GRM8: variants seen among roughly 807,000 people sequenced by gnomAD.
GRM8 encodes the protein metabotropic glutamate receptor 8.
A neutral mutation model predicts 87.2 loss-of-function variants in GRM8; 47 were observed. The observed-to-expected ratio is 0.54, with a 90% CI of 0.43 to 0.69. The LOEUF is 0.69. GRM8 is among the 30% of genes least tolerant of loss of function. GRM8 has a pLI of 0.00. For synonymous variants in GRM8, 396 were observed against 404.5 expected (o/e 0.98, Z 0.25); for missense variants, 1,019 against 1,139.2 (o/e 0.89, Z 1.52).
intron 7 of GRM8, among the ~76,000 whole-genome samples, chr7:126,686,249 T>A (rs1207763555): frequency 4.6e-5 from 7 of 152,112 alleles, no homozygotes; most frequent in Non-Finnish European, 1.0e-4. Context: ...AGCTCCTCTT[T>A]GTCTTGCTCA....
chr7:127,072,266 C>T (rs1191834910), intron 3 of GRM8, among the ~76,000 whole-genome samples: 2 of 152,188 alleles, frequency 1.3e-5, no homozygotes, highest in Non-Finnish European at 1.5e-5. Flanking sequence ...CAGAAGCTCT[C>T]CCTATCTGCA....
intron 3 of GRM8, among the ~76,000 whole-genome samples, chr7:126,982,030 T>C (rs1319570471): frequency 6.6e-6 from 1 of 152,122 alleles, no homozygotes; most frequent in East Asian, 1.9e-4. Context: ...TATTAAGTAG[T>C]ATTAACTCAC....
At chr7:126,937,422 A>G (rs1457166709) in intron 3 of GRM8, among the ~76,000 whole-genome samples, 1 of 152,230 alleles carries the variant, frequency 6.6e-6, no homozygotes, top group Non-Finnish European at 1.5e-5. Flanking sequence ...TGGCTGACAG[A>G]GCTAGTGACT....
chr7:127,115,574 A>G (rs1429110448), intron 2 of GRM8, among the ~76,000 whole-genome samples: 3 of 152,200 alleles, frequency 2.0e-5, no homozygotes, highest in Non-Finnish European at 2.9e-5. Flanking sequence ...CTGTTTACTT[A>G]AAATAAAAGA....
At chr7:126,619,472 C>G (rs535918684) in intron 7 of GRM8, among the ~76,000 whole-genome samples, 1 of 151,660 alleles carries the variant, frequency 6.6e-6, no homozygotes, top group Admixed American at 6.6e-5. Flanking sequence ...ATGTAACAAA[C>G]CTGCACGTTG....
intron 2 of GRM8, among the ~76,000 whole-genome samples, chr7:127,147,021 G>A (rs1828588497): frequency 6.6e-6 from 1 of 152,022 alleles, no homozygotes; most frequent in African/African-American, 2.4e-5. Context: ...TAGGCATTAG[G>A]AAAGCATCTC....
intron 8 of GRM8, among the ~76,000 whole-genome samples, chr7:126,538,240 T>C (rs1816074368): frequency 6.6e-6 from 1 of 152,222 alleles, no homozygotes; most frequent in African/African-American, 2.4e-5. Flanking sequence ...GTGAGTGTGC[T>C]TACATTTTTA....
chr7:127,132,166 T>C (rs750890798), intron 2 of GRM8, among the ~76,000 whole-genome samples: 4 of 152,198 alleles, frequency 2.6e-5, no homozygotes, highest in African/African-American at 7.2e-5. Context: ...CTTGCTTTGT[T>C]AGAAAAAATA....
chr7:126,805,138 A>C (rs1173582693), intron 6 of GRM8, among the ~76,000 whole-genome samples: 1 of 152,188 alleles, frequency 6.6e-6, no homozygotes, highest in African/African-American at 2.4e-5. Flanking sequence ...ACTCCTAAAG[A>C]AATTGGCTCA....
intron 3 of GRM8, among the ~76,000 whole-genome samples, chr7:127,013,517 T>TG: frequency 2.1e-5 from 1 of 46,868 alleles, no homozygotes; most frequent in Middle Eastern, 7.7e-3. Flanking sequence ...GGCTCTCTGG[T>TG]GGGGATGGGG....
chr7:126,627,340 AC>A (rs1800807313), intron 7 of GRM8, among the ~76,000 whole-genome samples: 1 of 152,232 alleles, frequency 6.6e-6, no homozygotes, highest in Admixed American at 6.5e-5. Flanking sequence ...TAAACATCCC[AC>A]AAGGCACAGG....
At chr7:126,550,505 T>C (rs1020650205) in intron 8 of GRM8, among the ~76,000 whole-genome samples, 3 of 152,152 alleles carry the variant, frequency 2.0e-5, no homozygotes, top group African/African-American at 7.2e-5. Context: ...TCTGATAACT[T>C]TGTAGAAAAA....
intron 3 of GRM8, chr7:127,076,186 T>C (rs1457249939): frequency 6.6e-6 from 3 of 456,438 alleles, no homozygotes; most frequent in Non-Finnish European, 1.3e-5. Context: ...TGACATAGTA[T>C]AGCAAAACAT....
chr7:127,120,553 G>A (rs367730596), intron 2 of GRM8, among the ~76,000 whole-genome samples: 3 of 152,122 alleles, frequency 2.0e-5, no homozygotes, highest in East Asian at 3.8e-4. Flanking sequence ...CAGGTGATTC[G>A]TGTTCACAAT....
At chr7:126,516,394 T>TAAGAC (rs1342263277) in intron 9 of GRM8, among the ~76,000 whole-genome samples, 2 of 152,092 alleles carry the variant, frequency 1.3e-5, no homozygotes, top group Non-Finnish European at 2.9e-5. Context: ...GATCATCTGT[T>TAAGAC]AAGACCTCTT....
chr7:126,828,067 T>A (rs2130340699), intron 6 of GRM8, among the ~76,000 whole-genome samples: 1 of 152,346 alleles, frequency 6.6e-6, no homozygotes, highest in African/African-American at 2.4e-5. Context: ...GAATCCCACT[T>A]GATCATGGTG....
chr7:126,902,795 T>G, intron 5 of GRM8, 116 bp from the exon 6 acceptor site: 1 of 660,908 alleles, frequency 1.5e-6, no homozygotes, highest in Non-Finnish European at 2.4e-6. Context: ...ACAAAACACA[T>G]AACAAATGAG....
At chr7:126,653,030 G>A (rs1376911956) in intron 7 of GRM8, among the ~76,000 whole-genome samples, 1 of 151,954 alleles carries the variant, frequency 6.6e-6, no homozygotes, top group Non-Finnish European at 1.5e-5. Flanking sequence ...TCCCCCTAAG[G>A]AATAAAGAGC....
intron 6 of GRM8, among the ~76,000 whole-genome samples, chr7:126,793,193 C>G (rs1821554334): frequency 6.6e-6 from 1 of 152,154 alleles, no homozygotes; most frequent in Non-Finnish European, 1.5e-5. Context: ...AAAGTCTCCT[C>G]TTTTTCTACC....
Sources: allele counts gnomAD v4.1 joint callset (sites outside exome capture counted in the v4.1 genomes callset), GRCh38; gene constraint gnomAD v4.1.1; transcripts MANE v1.5; gene names NCBI Gene and HGNC (gene_info 2026-07-23, HGNC 2026-07-21).